TVP23B: variants seen among roughly 807,000 people sequenced by gnomAD.
TVP23B encodes trans-golgi network vesicle protein 23 homolog B, also known as Golgi apparatus membrane protein TVP23 homolog B.
TVP23B carries 10 observed loss-of-function variants against 30.6 expected under a neutral mutation model. The ratio of observed to expected loss-of-function variants is 0.33; its 90% CI spans 0.20 to 0.55. The LOEUF (loss-of-function observed/expected upper bound fraction) is 0.55, where lower values mean the gene tolerates loss of function less well. TVP23B is among the 20% of genes least tolerant of loss of function. The probability of loss-of-function intolerance (pLI) is 0.91; values close to 1 mark genes in which losing one functional copy is unlikely to be tolerated. For synonymous variants in TVP23B, 67 were observed against 83.1 expected, an observed-to-expected ratio of 0.81 and a Z score of 1.06; for missense variants, 153 against 243.2, an observed-to-expected ratio of 0.63 and a Z score of 2.47.
chr17:18,793,267 C>T (rs763560465), intron 3 of TVP23B, among the ~76,000 whole-genome samples: 138 of 151,842 alleles, frequency 9.1e-4, no homozygotes, highest in Non-Finnish European at 1.6e-3. Flanking sequence ...TTATTCTTCA[C>T]TCTGACAAAT....
intron 4 of TVP23B, among the ~76,000 whole-genome samples, chr17:18,798,405 G>GTT (rs59117639): frequency 5.2e-4 from 75 of 144,620 alleles, no homozygotes; most frequent in Admixed American, 8.2e-4. Context: ...CCTTGATTCC[G>GTT]TTTTTTTTTT....
chr17:18,791,999 A>G (rs2036002629), intron 3 of TVP23B, among the ~76,000 whole-genome samples: 1 of 152,118 alleles, frequency 6.6e-6, no homozygotes, highest in Non-Finnish European at 1.5e-5. Flanking sequence ...TTACAACCCT[A>G]TTCACACCCA....
rs769495510 is a variant in TVP23B, at chr17:18,789,393, C to T, written c.53C>T (p.Ala18Val). The change falls in exon 2 of 7, where the codon GCG becomes GTG. Residue 18 changes from alanine (A) to valine (V), a missense_variant. By Grantham distance (64) the Ala-to-Val change is moderately conservative. Around this residue, in one of 3 missense-constraint regions of TVP23B, gnomAD observed 38 missense variants for 40.9 expected, o/e 0.93. Coordinates refer to ENST00000307767, the MANE Select transcript of TVP23B (RefSeq NM_016078.6). The stretch of plus-strand genomic sequence containing the variant: ...ACTGAAGATGTTTCACTGTTTGATG[C>T]GGAAGAGGAGACGACTAATAGACCA... ...DDTEDVSLFD[A>V]EEETTNRPRK... is the part of the protein sequence containing the mutation. The T allele has an allele frequency of 3.6e-5, 58 of 1,613,716 alleles. No homozygotes were observed. Among genetic ancestry groups the T allele is most frequent in the Middle Eastern group, 1.6e-4 (1 of 6,078 alleles).
chr17:18,800,323 T>G (rs1321196609), intron 5 of TVP23B, among the ~76,000 whole-genome samples: 2 of 152,194 alleles, frequency 1.3e-5, no homozygotes, highest in East Asian at 3.8e-4. Context: ...AATAGTTATC[T>G]TTTGAAAACA....
At chr17:18,785,349 T>A (rs963299337) in intron 1 of TVP23B, among the ~76,000 whole-genome samples, 1 of 151,668 alleles carries the variant, frequency 6.6e-6, no homozygotes, top group Non-Finnish European at 1.5e-5. Context: ...TTCCCCATCT[T>A]AGTAAATGTA....
Position 18,790,878 on chromosome 17 carries a change from T to C in TVP23B, c.96-18T>C, listed in dbSNP as rs770323752. 15 of 1,596,682 alleles carry C rather than the reference T, an allele frequency of 9.4e-6. No individual in the cohort carries two copies. The South Asian group carries it at 1.6e-4, about 17-fold the overall frequency. ...GTAAAATGTAATTGCATTTCTTTCATTGTGTTTTGGTTTTCAGACATCCAG... is the reference window on the plus strand; with the variant it reads ...GTAAAATGTAATTGCATTTCTTTCACTGTGTTTTGGTTTTCAGACATCCAG... On this transcript the variant is annotated intron_variant, in intron 2 of 6. Coordinates refer to ENST00000307767, the MANE Select transcript of TVP23B (RefSeq NM_016078.6).
chr17:18,802,746 C>T (rs2036188992), intron 5 of TVP23B, among the ~76,000 whole-genome samples: 1 of 152,214 alleles, frequency 6.6e-6, no homozygotes, highest in South Asian at 2.1e-4. Flanking sequence ...GTTTAACTTA[C>T]AGATTTTAAC....
chr17:18,784,770 C>T (rs1429280942), intron 1 of TVP23B, among the ~76,000 whole-genome samples: 1 of 152,230 alleles, frequency 6.6e-6, no homozygotes, highest in African/African-American at 2.4e-5. Context: ...AGGACACTAC[C>T]CCCTCCTGGC....
rs573046742 is a variant in TVP23B at position 18,781,518 on chromosome 17, A to G, written c.12+213A>G. On this transcript the variant is annotated intron_variant, in intron 1 of 6. Coordinates refer to ENST00000307767, the MANE Select transcript of TVP23B (RefSeq NM_016078.6). ...GGCGTGACCCGTGCGGCGCAGAGCA[A>G]GTACTTCTTGCGGCTGTGGGGACGC... is the stretch of plus-strand genomic sequence containing the variant. 1.5e-5 allele frequency: 12 copies of G among 806,760 alleles called. No homozygotes were observed. In the East Asian group the frequency reaches 2.6e-4, roughly 18 times the overall value. 50.0% of individuals were successfully genotyped at this position (806,760 alleles called of 1,614,324 possible).
Position 18,798,914 on chromosome 17 carries a change from G to A in TVP23B, c.433G>A (p.Ala145Thr), listed in dbSNP as rs369211046. The change falls in exon 5 of 7, where the codon GCA (alanine) becomes ACA (threonine). Residue 145 changes from alanine (A) to threonine (T), a missense_variant. This residue lies in a region of TVP23B where 62 missense variants were observed against 74.3 expected (regional missense o/e 0.83). Coordinates refer to ENST00000307767, the MANE Select transcript of TVP23B (RefSeq NM_016078.6). ...ACTGTGGGTGATATTTGCTTTTAGT[G>A]CACTCTTCTCCTTCAGAGTAAAGTG... ...PVLWVIFAFS[A>T]LFSFRVKWLA... The A allele has an allele frequency of 1.6e-5, 26 of 1,613,090 alleles. No individual in the cohort carries two copies. The highest frequency in any genetic ancestry group is 4.0e-5 in the African/African-American group (3 of 74,768).
At chr17:18,784,933 T>G (rs1305507408) in intron 1 of TVP23B, among the ~76,000 whole-genome samples, 2 of 152,230 alleles carry the variant, frequency 1.3e-5, no homozygotes, top group Non-Finnish European at 2.9e-5. Context: ...CTTCCTTGAT[T>G]CCTTTTATTT....
In TVP23B at chr17:18,805,588, T is replaced by C. The variant is rs2036239094; in HGVS notation, c.*21T>C. The stretch of plus-strand genomic sequence containing the variant: ...CCTGAATAGAGAAAGCTTATGTGCT[T>C]TGTTACATTGGGGAACAACTGAAGA... On this transcript the variant is annotated 3_prime_UTR_variant, in exon 7 of 7. Transcript: ENST00000307767. 4 of 1,605,552 alleles carry C rather than the reference T, an allele frequency of 2.5e-6. No individual in the cohort carries two copies. Among genetic ancestry groups the C allele is most frequent in the Admixed American group, 1.7e-5 (1 of 57,700 alleles).
At chr17:18,794,086 T>C (rs1357861994) in intron 3 of TVP23B, among the ~76,000 whole-genome samples, 1 of 151,866 alleles carries the variant, frequency 6.6e-6, no homozygotes, top group Non-Finnish European at 1.5e-5. Flanking sequence ...GTAAAAAAAT[T>C]GGAAATATTA....
At chr17:18,786,916 T>G (rs1455168280) in intron 1 of TVP23B, among the ~76,000 whole-genome samples, 2 of 149,486 alleles carry the variant, frequency 1.3e-5, no homozygotes, top group Non-Finnish European at 3.0e-5. Context: ...CCAGAAAGCT[T>G]CTCCAGTGCC....
At chr17:18,795,219 G>T (rs758254464) in intron 3 of TVP23B, among the ~76,000 whole-genome samples, 15 of 151,706 alleles carry the variant, frequency 9.9e-5, no homozygotes, top group Non-Finnish European at 1.9e-4. Context: ...TAGAGTCAGG[G>T]TTTCACTATG....
chr17:18,794,722 C>G, intron 3 of TVP23B, among the ~76,000 whole-genome samples: 1 of 150,738 alleles, frequency 6.6e-6, no homozygotes, highest in Non-Finnish European at 1.5e-5. Flanking sequence ...TGAGAGCATT[C>G]TTTGAAAATA....
At chr17:18,803,141 G>A (rs1356201420) in intron 5 of TVP23B, among the ~76,000 whole-genome samples, 2 of 152,016 alleles carry the variant, frequency 1.3e-5, no homozygotes, top group Admixed American at 6.5e-5. Context: ...TCATTGAGCT[G>A]CTTTGCTTGT....
chr17:18,782,653 A>G (rs2035826436), intron 1 of TVP23B: 1 of 152,166 alleles, frequency 6.6e-6, no homozygotes, highest in Non-Finnish European at 1.5e-5. Context: ...TTTTATGGGT[A>G]TTTCTTAGTG....
chr17:18,799,347 T>G (rs1383472788), intron 5 of TVP23B, among the ~76,000 whole-genome samples: 1 of 151,530 alleles, frequency 6.6e-6, no homozygotes, highest in East Asian at 1.9e-4. Context: ...GTAGTTGGAA[T>G]GATGGGGGTT....
Sources: allele counts gnomAD v4.1 joint callset (sites outside exome capture counted in the v4.1 genomes callset), GRCh38; gene constraint gnomAD v4.1.1; regional missense constraint gnomAD v4.1.1; transcripts MANE v1.5; gene names NCBI Gene and HGNC (gene_info 2026-07-23, HGNC 2026-07-21).